The following GATAD2A variants were observed in gnomAD, a reference collection of about 807,000 sequenced individuals.
GATAD2A encodes the protein GATA zinc finger domain containing 2A, also known as transcriptional repressor p66-alpha.
In GATAD2A, 12 loss-of-function variants were observed where a neutral mutation model predicts 68.5. That is an observed-to-expected ratio of 0.18 (90% CI 0.11 to 0.28). The LOEUF is 0.28. Ranked by LOEUF, GATAD2A falls within the 10% of genes least tolerant of loss-of-function variation. The probability of loss-of-function intolerance (pLI) is 1.00; values close to 1 mark genes in which losing one functional copy is unlikely to be tolerated. For missense variants in GATAD2A, 755 were observed against 868.5 expected (o/e 0.87, Z 1.64); for synonymous variants, 410 against 375.3 (o/e 1.09, Z -1.07).
At chr19:19,505,253 T>C in intron 11 of GATAD2A, 91 bp from the exon 12 acceptor site, 1 of 1,276,544 alleles carries the variant, frequency 7.8e-7, no homozygotes, top group African/African-American at 1.5e-5. Context: ...TAGTCTGTAT[T>C]GGGGCTGGGG....
At chr19:19,461,581 C>T (rs964502470) in intron 1 of GATAD2A, among the ~76,000 whole-genome samples, 7 of 152,242 alleles carry the variant, frequency 4.6e-5, no homozygotes, top group Admixed American at 4.6e-4. Context: ...CATGGAGGTG[C>T]TCCCGGTCAG....
At chr19:19,439,818 A>T (rs1041838612) in intron 1 of GATAD2A, among the ~76,000 whole-genome samples, 1 of 152,210 alleles carries the variant, frequency 6.6e-6, no homozygotes, top group Non-Finnish European at 1.5e-5. Context: ...ACTGCACTCC[A>T]GCATGGGTGA....
upstream of GATAD2A, among the ~76,000 whole-genome samples, chr19:19,405,050 G>A (rs993273120): frequency 6.6e-6 from 1 of 152,134 alleles, no homozygotes; most frequent in African/African-American, 2.4e-5. Context: ...GGAGAGGGAG[G>A]GGTGCAGATT....
rs1351303524 is a variant in GATAD2A, at chr19:19,405,708, T to G, written c.-318T>G. ...CCCAGCCGGGCGCGGGCGGGCGGCG[T>G]CGCCTTTAAGAGCTCCCCGGTGTTT... On this transcript the variant is annotated 5_prime_UTR_variant, in exon 1 of 12. Transcript: ENST00000683918. 4 of 150,566 alleles carry G rather than the reference T, an allele frequency of 2.7e-5. No homozygotes were observed. The highest frequency in any genetic ancestry group is 5.9e-5 in the Non-Finnish European group (4 of 67,266). 9.3% of individuals were successfully genotyped at this position (150,566 alleles called of 1,614,324 possible).
At chr19:19,498,821 C>G (rs1405360060) in intron 8 of GATAD2A, 99 bp downstream of exon 8, 2 of 1,079,906 alleles carry the variant, frequency 1.9e-6, no homozygotes, top group East Asian at 4.8e-5. Context: ...TGGGGCAGGG[C>G]TGCCTAGCCA....
At chr19:19,481,746 C>T (rs189138669) in intron 2 of GATAD2A, among the ~76,000 whole-genome samples, 1 of 152,358 alleles carries the variant, frequency 6.6e-6, no homozygotes, top group Admixed American at 6.5e-5. Flanking sequence ...ACCTCAGGGA[C>T]TTAGCTTGTG....
intron 1 of GATAD2A, among the ~76,000 whole-genome samples, chr19:19,400,251 AG>A (rs2049607600): frequency 6.6e-6 from 1 of 150,808 alleles, no homozygotes; most frequent in African/African-American, 2.4e-5. Flanking sequence ...CTGGAATAGC[AG>A]GACAGTGCCA....
At chr19:19,478,254 G>A (rs2148205691) in intron 2 of GATAD2A, among the ~76,000 whole-genome samples, 1 of 152,280 alleles carries the variant, frequency 6.6e-6, no homozygotes, top group South Asian at 2.1e-4. Flanking sequence ...GTGGGCCCCA[G>A]ACAGCAGTTG....
chr19:19,454,790 C>CT (rs1316515365), intron 1 of GATAD2A, among the ~76,000 whole-genome samples: 1 of 144,442 alleles, frequency 6.9e-6, no homozygotes, highest in Non-Finnish European at 1.5e-5. Flanking sequence ...GTCCATTCTG[C>CT]TATAAGGCTT....
intron 1 of GATAD2A, among the ~76,000 whole-genome samples, chr19:19,416,384 A>G (rs2051646362): frequency 6.6e-6 from 1 of 152,124 alleles, no homozygotes; most frequent in South Asian, 2.1e-4. Context: ...CAGGTTCCGG[A>G]AGGCCCCAGG....
In GATAD2A at chr19:19,494,317, C is replaced by G. The variant is rs142000821; in HGVS notation, c.558C>G (p.Thr186=). The change falls in exon 5 of 12, where the codon ACC becomes ACG. Residue 186 remains threonine (T), a synonymous_variant. Coordinates refer to ENST00000683918, the MANE Select transcript of GATAD2A (RefSeq NM_001384528.1). ...AQKPTGSVGS[T]VTTPPPLVRG... ...AGCCCACAGGTTCTGTTGGGAGCAC[C>G]GTGACCACCCCTCCCCCGCTTGTTC... 5 of 1,612,042 alleles carry G rather than the reference C, an allele frequency of 3.1e-6. No individual in the cohort carries two copies. Among genetic ancestry groups the G allele is most frequent in the Non-Finnish European group, 4.2e-6 (5 of 1,178,316 alleles).
intron 1 of GATAD2A, among the ~76,000 whole-genome samples, chr19:19,386,996 T>C (rs1417947731): frequency 6.6e-6 from 1 of 152,006 alleles, no homozygotes; most frequent in Non-Finnish European, 1.5e-5. Context: ...TCCCTTTCTC[T>C]GAGGGACCCC....
At chr19:19,497,837 C>T (rs2060252452) in intron 7 of GATAD2A, among the ~76,000 whole-genome samples, 1 of 152,164 alleles carries the variant, frequency 6.6e-6, no homozygotes, top group African/African-American at 2.4e-5. Flanking sequence ...TGGAGACAGT[C>T]AAGGGTCTGC....
intron 2 of GATAD2A, among the ~76,000 whole-genome samples, chr19:19,471,068 C>G (rs2058269692): frequency 6.6e-6 from 1 of 152,020 alleles, no homozygotes; most frequent in South Asian, 2.1e-4. Flanking sequence ...CCAGCCTGGC[C>G]AACATGGTGA....
chr19:19,406,218 C>T (rs1189180517), intron 1 of GATAD2A, among the ~76,000 whole-genome samples, 199 bp downstream of exon 1: 3 of 143,180 alleles, frequency 2.1e-5, no homozygotes, highest in Non-Finnish European at 4.5e-5. Flanking sequence ...AGTTCCTTGC[C>T]CCGAGGCGGC....
intron 2 of GATAD2A, among the ~76,000 whole-genome samples, chr19:19,486,733 T>C (rs2086633759): frequency 6.6e-6 from 1 of 152,114 alleles, no homozygotes; most frequent in South Asian, 2.1e-4. Flanking sequence ...CACTTTCAGA[T>C]CAGCAGGGCT....
rs537172671 is a variant in GATAD2A, at chr19:19,501,497, C to T, written c.1503+81C>T. 1.4e-3 allele frequency: 1,477 copies of T among 1,093,906 alleles called. 2 individuals carry two copies. Among genetic ancestry groups the T allele is most frequent in the Non-Finnish European group, 1.4e-3 (1,097 of 780,416 alleles). The allele number at this position is 1,093,906 out of a possible 1,614,324, so 67.8% of individuals were successfully genotyped here. On this transcript the variant is annotated intron_variant, in intron 9 of 11. Transcript: ENST00000683918. Reference sequence around the variant, plus strand: ...GATCCACCCCACGCCTGCGCTGCACCGCCTGATTGTTAACTGCACGTCTAA... The same window carrying T: ...GATCCACCCCACGCCTGCGCTGCACTGCCTGATTGTTAACTGCACGTCTAA...
At chr19:19,395,591 T>C (rs2049171154) in intron 1 of GATAD2A, among the ~76,000 whole-genome samples, 1 of 152,210 alleles carries the variant, frequency 6.6e-6, no homozygotes, top group African/African-American at 2.4e-5. Context: ...CTCAGAGGCC[T>C]ATCTGGCAGG....
intron 2 of GATAD2A, among the ~76,000 whole-genome samples, chr19:19,470,135 G>A (rs1468495588): frequency 6.7e-6 from 1 of 149,616 alleles, no homozygotes; most frequent in Non-Finnish European, 1.5e-5. Context: ...GAGCCAAACT[G>A]CGACTTTATT....
Sources: gnomAD v4.1 joint callset for allele counts (sites outside exome capture counted in the v4.1 genomes callset) on GRCh38, gnomAD v4.1.1 for gene constraint, MANE v1.5 for transcripts, NCBI Gene and HGNC (gene_info 2026-07-23, HGNC 2026-07-21) for gene names.